The following FANCB variants were observed in gnomAD, a reference collection of about 807,000 sequenced individuals.
FANCB encodes the protein FA complementation group B.
In FANCB, 5 loss-of-function variants were observed where a neutral mutation model predicts 38.9. The ratio of observed to expected loss-of-function variants is 0.13; its 90% confidence interval spans 0.07 to 0.27. The LOEUF (loss-of-function observed/expected upper bound fraction) is 0.27. Ranked by LOEUF, FANCB falls within the 10% of genes least tolerant of loss-of-function variation. FANCB has a pLI of 1.00. For synonymous variants in FANCB, 236 were observed against 215.4 expected, an observed-to-expected ratio of 1.10 and a Z score of -0.84; for missense variants, 573 against 602.7, an observed-to-expected ratio of 0.95 and a Z score of 0.52.
intron 6 of FANCB, among the ~76,000 whole-genome samples, chrX:14,851,329 T>A (rs1165169398): frequency 8.9e-6 from 1 of 112,063 alleles, no homozygotes; most frequent in Non-Finnish European, 1.9e-5. Context: ...GGTATTATCA[T>A]CTACATTTTA....
At chrX:14,867,770 A>T (rs2092476537) in intron 2 of FANCB, among the ~76,000 whole-genome samples, 1 of 110,940 alleles carries the variant, frequency 9.0e-6, no homozygotes, top group Non-Finnish European at 1.9e-5. Flanking sequence ...GCCAAAAAAA[A>T]AAAAAAAGTA....
chrX:14,724,626 C>CAAAAAA, the FANCB span, among the ~76,000 whole-genome samples: 2 of 49,582 alleles, frequency 4.0e-5, no homozygotes, highest in South Asian at 1.5e-3. Context: ...AACTCTGTCT[C>CAAAAAA]AAAAAAAAAA....
At chrX:14,703,950 C>G in the FANCB span, among the ~76,000 whole-genome samples, 1 of 111,918 alleles carries the variant, frequency 8.9e-6, no homozygotes, top group Admixed American at 9.5e-5. Context: ...AAACCTCTTG[C>G]ATGCAATCCC....
chrX:14,723,881 T>G, the FANCB span, among the ~76,000 whole-genome samples: 1 of 112,339 alleles, frequency 8.9e-6, no homozygotes, highest in Non-Finnish European at 1.9e-5. Flanking sequence ...CTTATCATAG[T>G]TAGTAATTAT....
chrX:14,805,448 A>G, the FANCB span, among the ~76,000 whole-genome samples: 1 of 110,868 alleles, frequency 9.0e-6, no homozygotes, highest in African/African-American at 3.3e-5. Context: ...CACCTCCACC[A>G]CAAACTGTTC....
At chrX:14,738,336 T>C in the FANCB span, among the ~76,000 whole-genome samples, 1 of 112,254 alleles carries the variant, frequency 8.9e-6, no homozygotes, top group African/African-American at 3.2e-5. Flanking sequence ...GTGATAGTAT[T>C]TCAGGGAAAA....
At chrX:14,798,783 A>AT in the FANCB span, among the ~76,000 whole-genome samples, 1 of 112,083 alleles carries the variant, frequency 8.9e-6, no homozygotes, top group African/African-American at 3.2e-5. Context: ...GTAACCAGTT[A>AT]TTTAATCAAA....
At chrX:14,712,089 C>T in the FANCB span, among the ~76,000 whole-genome samples, 1 of 112,911 alleles carries the variant, frequency 8.9e-6, no homozygotes, top group East Asian at 2.8e-4. Flanking sequence ...CTTGGCATAA[C>T]ATTACCTTTT....
At chrX:14,849,035 T>C (rs2092389664) in intron 7 of FANCB, among the ~76,000 whole-genome samples, 1 of 111,315 alleles carries the variant, frequency 9.0e-6, no homozygotes, top group African/African-American at 3.3e-5. Context: ...CAATAGGTAA[T>C]TCCAAATTTA....
the FANCB span, among the ~76,000 whole-genome samples, chrX:14,710,526 A>G: frequency 1.8e-5 from 2 of 112,141 alleles, no homozygotes; most frequent in Non-Finnish European, 3.8e-5. Flanking sequence ...ATTCTATATT[A>G]GAGTCATCTT....
exon 11 of FANCB, chrX:14,836,112 C>T (rs1413303404): frequency 8.9e-6 from 1 of 112,032 alleles, no homozygotes; most frequent in African/African-American, 3.2e-5. Flanking sequence ...AATAGTGTCA[C>T]AAGCTATGAC....
At chrX:14,717,366 A>C in the FANCB span, among the ~76,000 whole-genome samples, 14 of 109,827 alleles carry the variant, frequency 1.3e-4, no homozygotes, top group African/African-American at 4.6e-4. Flanking sequence ...AAAAAAGTAG[A>C]TATCAAGTCC....
At position 14,864,871 on chromosome X, in the gene FANCB, C is replaced by T; in HGVS notation, c.640G>A (p.Val214Ile). 8.3e-7 allele frequency: 1 copy of T among 1,209,769 alleles called. No homozygotes were observed. The highest frequency in any genetic ancestry group is 2.3e-4 in the Middle Eastern group (1 of 4,345). Reference sequence around the variant, plus strand: ...ACTTCTTGACTTTCAAGAGAATATACACAAAATTTGGTATTCCAAATTGCA... The same window carrying T: ...ACTTCTTGACTTTCAAGAGAATATATACAAAATTTGGTATTCCAAATTGCA... ...DYAIWNTKFC[V>I]YSLESQEVLS... The change falls in exon 3 of 10, where the codon GTA becomes ATA. Residue 214 changes from valine to isoleucine, a missense_variant. Physicochemically the swap from Val to Ile is conservative, Grantham distance 29 (BLOSUM62 3). Coordinates refer to ENST00000650831, the MANE Select transcript of FANCB (RefSeq NM_001018113.3).
chrX:14,726,582 A>C, the FANCB span, among the ~76,000 whole-genome samples: 1 of 112,399 alleles, frequency 8.9e-6, no homozygotes, highest in African/African-American at 3.2e-5. Flanking sequence ...AACCCTCTTA[A>C]AATTCCCTTT....
Position 14,865,550 on chromosome X carries a change from T to C in FANCB, c.-40A>G. The stretch of plus-strand genomic sequence containing the variant: ...TCTTTGTGCTGATCTAATTTTCAAA[T>C]GCAAATTGATTCCAGTTGATGTTTC... On this transcript the variant is annotated 5_prime_UTR_variant, in exon 3 of 10. Transcript: ENST00000650831. 3.0e-6 allele frequency: 3 copies of C among 1,011,974 alleles called. No individual in the cohort carries two copies. The highest frequency in any genetic ancestry group is 1.8e-5 in the African/African-American group (1 of 54,340). 83.4% of individuals were successfully genotyped at this position (1,011,974 alleles called of 1,213,427 possible).
the FANCB span, among the ~76,000 whole-genome samples, chrX:14,767,972 T>C: frequency 1.8e-5 from 2 of 111,867 alleles, no homozygotes; most frequent in African/African-American, 3.3e-5. Flanking sequence ...GTCAGTTTTG[T>C]TGAAGATCAG....
the FANCB span, among the ~76,000 whole-genome samples, chrX:14,772,721 A>G: frequency 0.014 from 1,558 of 110,266 alleles, 26 homozygotes; most frequent in African/African-American, 0.042. Flanking sequence ...AGAGTATATA[A>G]AACTCCTGGA....
chrX:14,764,914 C>A, the FANCB span, among the ~76,000 whole-genome samples: 2 of 111,954 alleles, frequency 1.8e-5, no homozygotes, highest in East Asian at 2.8e-4. Context: ...CCCTTTGGAG[C>A]GCCCCATGTG....
chrX:14,862,287 A>G (rs888910951), intron 3 of FANCB: 2 of 111,632 alleles, frequency 1.8e-5, no homozygotes, highest in African/African-American at 6.5e-5. Context: ...AGCTTTTAAA[A>G]CAGGGCATTT....
Sources: gnomAD v4.1 joint callset for allele counts (sites outside exome capture counted in the v4.1 genomes callset) on GRCh38, gnomAD v4.1.1 for gene constraint, MANE v1.5 for transcripts, NCBI Gene and HGNC (gene_info 2026-07-23, HGNC 2026-07-21) for gene names.